GAB4: variants seen among roughly 807,000 people sequenced by gnomAD.
The protein encoded by GAB4 is GRB2-associated-binding protein 4.
A neutral mutation model predicts 51.3 loss-of-function variants in GAB4; 26 were observed. That is an observed-to-expected ratio of 0.51 (90% CI 0.37 to 0.70). The LOEUF (loss-of-function observed/expected upper bound fraction) is 0.70, where lower values mean the gene tolerates loss of function less well. Ranked by LOEUF, GAB4 falls within the 30% of genes least tolerant of loss-of-function variation. The pLI, the probability that GAB4 is intolerant of heterozygous loss-of-function variation, is 0.00. For synonymous variants in GAB4, 329 were observed against 291.2 expected, an observed-to-expected ratio of 1.13 and a Z score of -1.32; for missense variants, 759 against 734.6, an observed-to-expected ratio of 1.03 and a Z score of -0.38.
chr22:16,997,883 C>T (rs2060963045), intron 1 of GAB4, among the ~76,000 whole-genome samples: 2 of 152,212 alleles, frequency 1.3e-5, no homozygotes, highest in Admixed American at 6.5e-5. Context: ...GTTTTCCCAG[C>T]ACCATTTATT....
Position 16,963,530 on chromosome 22 carries a change from T to G in GAB4, c.1581+195A>C, listed in dbSNP as rs541395405. Among the ~76,000 whole-genome samples the G allele has an allele frequency of 1.4e-3, 212 of 152,132 alleles. 1 individual carries two copies. Among genetic ancestry groups the G allele is most frequent in the Non-Finnish European group, 2.3e-3 (153 of 67,968 alleles). ...CTAATGGGGAGTCGGGGCAGGCTGA[T>G]GAAGGCACCACGCTGAGAGGGAAGG... On this transcript the variant is annotated intron_variant, in intron 9 of 9. Transcript: ENST00000400588.
chr22:16,995,331 T>C (rs1243223543), intron 1 of GAB4, among the ~76,000 whole-genome samples: 3 of 152,252 alleles, frequency 2.0e-5, no homozygotes, highest in Admixed American at 1.3e-4. Flanking sequence ...CCCAACACTT[T>C]CTTCCAGTGC....
chr22:16,963,930 T>C, intron 8 of GAB4, 101 bp from the exon 9 acceptor site: 2 of 837,056 alleles, frequency 2.4e-6, no homozygotes, highest in South Asian at 3.0e-5. Context: ...CACTGGGTCC[T>C]ACTCTGAGCC....
chr22:17,005,935 C>A (rs930605505), intron 1 of GAB4, among the ~76,000 whole-genome samples: 1 of 151,934 alleles, frequency 6.6e-6, no homozygotes, highest in Admixed American at 6.6e-5. Context: ...AAAACCTAGG[C>A]AATATCATCC....
Position 16,963,808 on chromosome 22 carries a change from C to G in GAB4, c.1498G>C (p.Val500Leu). ...GCTGAACTGCTGGTGCCACCGGAAA[C>G]AGGAAATGCAGATGCCGGGTTCTGC... The part of the protein sequence containing the change: ...LFPNPASAFP[V>L]SGGTSSSAPP... Residue 500 changes from valine to leucine, a missense_variant, in exon 9 of 10, where the codon GTT becomes CTT. Transcript: ENST00000400588. 1.9e-6 allele frequency: 3 copies of G among 1,613,908 alleles called. No homozygotes were observed. Among genetic ancestry groups the G allele is most frequent in the Non-Finnish European group, 2.5e-6 (3 of 1,179,952 alleles).
chr22:16,995,042 T>C (rs1351193121), intron 1 of GAB4, among the ~76,000 whole-genome samples: 2 of 152,230 alleles, frequency 1.3e-5, no homozygotes, highest in Non-Finnish European at 2.9e-5. Context: ...TGCACTGGCC[T>C]GTTTTTAAAC....
chr22:16,963,800 A>T lies in GAB4; in HGVS notation c.1506T>A (p.Gly502=), dbSNP rs753472714. 6.2e-7 allele frequency: 1 copy of T among 1,613,908 alleles called. No homozygotes were observed. Among genetic ancestry groups the T allele is most frequent in the South Asian group, 1.1e-5 (1 of 91,080 alleles). ...TCGGCGGGGCTGAACTGCTGGTGCC[A>T]CCGGAAACAGGAAATGCAGATGCCG... The part of the protein sequence containing the change: ...PNPASAFPVS[G]GTSSSAPPRS... Residue 502 remains glycine (G), a synonymous_variant, in exon 9 of 10, where the codon GGT becomes GGA. Coordinates refer to ENST00000400588, the MANE Select transcript of GAB4 (RefSeq NM_001037814.1).
At chr22:16,991,387 A>C (rs1176259045) in intron 2 of GAB4, among the ~76,000 whole-genome samples, 1 of 152,098 alleles carries the variant, frequency 6.6e-6, no homozygotes, top group East Asian at 1.9e-4. Flanking sequence ...AATGTGAAGG[A>C]GCATTTCTGC....
Position 16,990,360 on chromosome 22 carries a change from T to C in GAB4, c.478+1513A>G, listed in dbSNP as rs189785446. 2.2e-3 allele frequency among the ~76,000 whole-genome samples: 342 copies of C among 152,312 alleles called. 3 individuals are homozygous for C. The highest frequency in any genetic ancestry group is 3.0e-3 in the Non-Finnish European group (202 of 68,026). The stretch of plus-strand genomic sequence containing the variant: ...GATTTCATCTCTTTTTGAAATGGTT[T>C]TGTTCTCAGAATCAAGCCCAGTGTG... On this transcript the variant is annotated intron_variant, in intron 2 of 9. Transcript: ENST00000400588.
At chr22:16,970,227 G>A in intron 3 of GAB4, 34 bp from the exon 4 acceptor site, 1 of 1,611,956 alleles carries the variant, frequency 6.2e-7, no homozygotes, top group East Asian at 2.2e-5. Flanking sequence ...GGGCAGGGGT[G>A]AGAGGAGGCC....
chr22:16,969,778 G>A, intron 4 of GAB4, 165 bp downstream of exon 4: 1 of 855,176 alleles, frequency 1.2e-6, no homozygotes, highest in Non-Finnish European at 1.9e-6. Context: ...GAGGCTATGG[G>A]CCCAGGAGTG....
chr22:16,964,880 C>T lies in GAB4; in HGVS notation c.1380-18G>A. On this transcript the variant is annotated intron_variant, in intron 7 of 9. Coordinates refer to ENST00000400588, the MANE Select transcript of GAB4 (RefSeq NM_001037814.1). ...AGGTGTGGCTGTCATGGGAAGAAGG[C>T]AAGGAGTACATCCTGGGTGGGGCTC... The T allele has an allele frequency of 6.3e-7, 1 of 1,596,472 alleles. No individual in the cohort carries two copies. The highest frequency in any genetic ancestry group is 8.6e-7 in the Non-Finnish European group (1 of 1,164,634).
At chr22:16,988,582 C>T (rs910907370) in intron 2 of GAB4, among the ~76,000 whole-genome samples, 2 of 152,214 alleles carry the variant, frequency 1.3e-5, no homozygotes, top group Non-Finnish European at 2.9e-5. Context: ...CAACTGAAGC[C>T]GCATTCTTGG....
chr22:16,966,532 G>A (rs1465219330), intron 5 of GAB4, 168 bp from the exon 6 acceptor site: 1 of 700,448 alleles, frequency 1.4e-6, no homozygotes, highest in Admixed American at 3.0e-5. Context: ...GGCCCAGATA[G>A]AAGTGCCCCA....
rs2060662359 is a variant in GAB4, at chr22:16,965,219, G to C, written c.1338C>G (p.Leu446=). 6.2e-7 allele frequency: 1 copy of C among 1,613,930 alleles called. No homozygotes were observed. Among genetic ancestry groups the C allele is most frequent in the Admixed American group, 1.7e-5 (1 of 59,998 alleles). The change falls in exon 7 of 10, where the codon CTC becomes CTG. Residue 446 remains leucine (L), a synonymous_variant. Transcript: ENST00000400588. ...NLRNNRVINE[L]SFKPPVTEPW... is the part of the protein sequence containing the mutation. ...GCTCTGTGACAGGTGGCTTGAAGGA[G>C]AGCTCATTGATGACCCTGTTGTTTC...
chr22:17,000,780 G>A (rs1471203674), intron 1 of GAB4, among the ~76,000 whole-genome samples: 1 of 152,176 alleles, frequency 6.6e-6, no homozygotes, highest in Non-Finnish European at 1.5e-5. Flanking sequence ...CTGTGCAAAG[G>A]TTGTCCTTTC....
intron 9 of GAB4, 137 bp from the exon 10 acceptor site, chr22:16,963,013 G>A: frequency 7.9e-6 from 6 of 760,100 alleles, no homozygotes; most frequent in Admixed American, 2.8e-5. Flanking sequence ...AGCCTGGGGG[G>A]CCTGGGCTTT....
intron 3 of GAB4, among the ~76,000 whole-genome samples, chr22:16,980,102 A>G (rs1273316426): frequency 2.0e-5 from 3 of 152,230 alleles, no homozygotes; most frequent in Non-Finnish European, 4.4e-5. Context: ...AGGCATGGGC[A>G]AAGACTTCAT....
chr22:16,967,474 T>C (rs901022741), intron 5 of GAB4: 1 of 152,320 alleles, frequency 6.6e-6, no homozygotes, highest in Non-Finnish European at 1.5e-5. Context: ...ACATCAGATG[T>C]CTTGGCCCTG....
Sources: allele counts gnomAD v4.1 joint callset (sites outside exome capture counted in the v4.1 genomes callset), GRCh38; gene constraint gnomAD v4.1.1; transcripts MANE v1.5; gene names NCBI Gene and HGNC (gene_info 2026-07-23, HGNC 2026-07-21).